Variants in FARP1 observed in about 807,000 individuals in gnomAD.
The protein encoded by FARP1 is FERM, ARHGEF and pleckstrin domain-containing protein 1.
FARP1 carries 52 observed loss-of-function variants against 128.8 expected under a neutral mutation model. The ratio of observed to expected loss-of-function variants is 0.40; its 90% CI spans 0.32 to 0.51. The LOEUF (loss-of-function observed/expected upper bound fraction) is 0.51, where lower values mean the gene tolerates loss of function less well. Among genes scored for constraint, FARP1 ranks in the 20% least tolerant of loss-of-function variants. The pLI, the probability that FARP1 is intolerant of heterozygous loss-of-function variation, is 0.45. For synonymous variants in FARP1, 580 were observed against 551.8 expected, an observed-to-expected ratio of 1.05 and a Z score of -0.72; for missense variants, 1,333 against 1,367.9, an observed-to-expected ratio of 0.97 and a Z score of 0.40.
Position 98,452,239 on chromosome 13 carries a change from G to A in FARP1, c.*3922G>A, listed in dbSNP as rs1321811626. ...GATGATATGCAGAATCCACTACAAGGTGCAACAGAAAATCGTATTGGAAAG... is the reference window on the plus strand; with the variant it reads ...GATGATATGCAGAATCCACTACAAGATGCAACAGAAAATCGTATTGGAAAG... On this transcript the variant is annotated 3_prime_UTR_variant, in exon 27 of 27. Transcript: ENST00000319562. 6.6e-6 allele frequency: 1 copy of A among 152,188 alleles called. No individual in the cohort carries two copies. The highest frequency in any genetic ancestry group is 1.5e-5 in the Non-Finnish European group (1 of 68,028). The allele number at this position is 152,188 out of a possible 1,614,324, so 9.4% of individuals were successfully genotyped here. A position where few individuals can be genotyped will look rare whatever the true frequency, so the allele number is the denominator to read the frequency against.
intron 1 of FARP1, among the ~76,000 whole-genome samples, chr13:98,196,232 G>C (rs1415051346): frequency 6.6e-6 from 1 of 152,112 alleles, no homozygotes; most frequent in Non-Finnish European, 1.5e-5. Context: ...GTCGCTGGAT[G>C]GTAGAGAGGG....
intron 2 of FARP1, among the ~76,000 whole-genome samples, chr13:98,322,068 C>G (rs1310996131): frequency 6.6e-6 from 1 of 152,210 alleles, no homozygotes; most frequent in Non-Finnish European, 1.5e-5. Flanking sequence ...AAGGCCGAGG[C>G]TGGCGGATCA....
chr13:98,378,909 A>AATAT (rs1555341971), intron 6 of FARP1, among the ~76,000 whole-genome samples: 1 of 82,474 alleles, frequency 1.2e-5, no homozygotes, highest in Non-Finnish European at 2.5e-5. Flanking sequence ...ATATATATAT[A>AATAT]ATATATATAT....
chr13:98,395,106 C>T, intron 12 of FARP1, 121 bp from the exon 13 acceptor site: 1 of 1,181,310 alleles, frequency 8.5e-7, no homozygotes. Flanking sequence ...AGCTCCGGGG[C>T]AGTTCTCCCG....
chr13:98,423,359 A>AT (rs1891661570), intron 16 of FARP1, among the ~76,000 whole-genome samples: 2 of 151,978 alleles, frequency 1.3e-5, no homozygotes, highest in South Asian at 4.1e-4. Context: ...GTTGCCGGGT[A>AT]TTTTTTTCCA....
intron 6 of FARP1, among the ~76,000 whole-genome samples, chr13:98,379,066 A>AATATATGTAATATGTAATCTATATATAAT (rs1217935697): frequency 8.6e-5 from 7 of 81,278 alleles, no homozygotes; most frequent in African/African-American, 2.6e-4. Flanking sequence ...TATAATATAT[A>AATATATGTAATATGTAATCTATATATAAT]ATATATGTAA....
intron 2 of FARP1, among the ~76,000 whole-genome samples, chr13:98,224,540 A>AG (rs759421624): frequency 0.023 from 688 of 30,090 alleles, 13 homozygotes; most frequent in Non-Finnish European, 0.071. Flanking sequence ...AAAAAAAAAA[A>AG]AAAAAGAAAA....
chr13:98,311,755 T>C (rs962645684), intron 2 of FARP1, among the ~76,000 whole-genome samples: 2 of 152,202 alleles, frequency 1.3e-5, no homozygotes, highest in Non-Finnish European at 2.9e-5. Context: ...AAAAATAAAC[T>C]TTGATGAGCA....
At chr13:98,244,994 G>T (rs1882984324) in intron 2 of FARP1, 2 of 1,163,862 alleles carry the variant, frequency 1.7e-6, no homozygotes, top group African/African-American at 1.6e-5. Context: ...GCCACTAGGG[G>T]AAGATTCATT....
intron 1 of FARP1, among the ~76,000 whole-genome samples, chr13:98,210,829 G>A (rs567292854): frequency 5.9e-5 from 9 of 152,300 alleles, no homozygotes; most frequent in South Asian, 4.1e-4. Flanking sequence ...GATTACAGGC[G>A]TGAGCCACCG....
intron 1 of FARP1, among the ~76,000 whole-genome samples, chr13:98,212,692 A>G (rs1880806939): frequency 6.6e-6 from 1 of 152,170 alleles, no homozygotes; most frequent in African/African-American, 2.4e-5. Flanking sequence ...AAACCAAGAA[A>G]AATGACCCTA....
At chr13:98,385,416 A>C (rs1321239192) in intron 7 of FARP1, among the ~76,000 whole-genome samples, 2 of 140,904 alleles carry the variant, frequency 1.4e-5, no homozygotes, top group East Asian at 4.1e-4. Flanking sequence ...TCCAAAAAAA[A>C]CAAAAAAAAC....
chr13:98,281,699 A>G (rs1884944218), intron 2 of FARP1, among the ~76,000 whole-genome samples: 1 of 152,208 alleles, frequency 6.6e-6, no homozygotes, highest in African/African-American at 2.4e-5. Context: ...ATTAATGATG[A>G]GTCTTTGGCA....
intron 1 of FARP1, among the ~76,000 whole-genome samples, chr13:98,174,420 A>G (rs905689869): frequency 6.6e-6 from 1 of 152,214 alleles, no homozygotes. Context: ...TCCTGGAGCC[A>G]GAGCTTAGAG....
rs1415329197 is a variant in FARP1, at chr13:98,438,886, G to A, written c.2343+14G>A. On this transcript the variant is annotated intron_variant, in intron 20 of 26. Transcript: ENST00000319562. ...ATGTTCTTCCTGGTGAGTGGAGAGA[G>A]CGGCTTGTCCTCACAAGGATTGTGT... 2.5e-6 allele frequency: 4 copies of A among 1,613,086 alleles called. No homozygotes were observed. The highest frequency in any genetic ancestry group is 3.4e-6 in the Non-Finnish European group (4 of 1,179,268).
In FARP1 at chr13:98,453,561, T is replaced by C. The variant is rs772565798; in HGVS notation, c.*5244T>C. The C allele has an allele frequency of 4.4e-5, 9 of 202,638 alleles. No homozygotes were observed. Among genetic ancestry groups the C allele is most frequent in the Admixed American group, 2.9e-4 (5 of 17,268 alleles). 12.6% of individuals were successfully genotyped at this position (202,638 alleles called of 1,614,324 possible). A position where few individuals can be genotyped will look rare whatever the true frequency, so the allele number is the denominator to read the frequency against. On this transcript the variant is annotated 3_prime_UTR_variant, in exon 27 of 27. Transcript: ENST00000319562. ...GACACAGTAAGATTCCAGGGATGCATATGCATTCCCGATGTGAGGGCAGGA... is the reference window on the plus strand; with the variant it reads ...GACACAGTAAGATTCCAGGGATGCACATGCATTCCCGATGTGAGGGCAGGA...
At chr13:98,223,697 T>A (rs1881571220) in intron 2 of FARP1, among the ~76,000 whole-genome samples, 1 of 152,216 alleles carries the variant, frequency 6.6e-6, no homozygotes, top group African/African-American at 2.4e-5. Context: ...GGATTCTTAG[T>A]GATTATGTAA....
intron 1 of FARP1, among the ~76,000 whole-genome samples, chr13:98,155,847 G>A (rs2139112068): frequency 6.6e-6 from 1 of 152,282 alleles, no homozygotes; most frequent in East Asian, 1.9e-4. Flanking sequence ...AGCCATGGAA[G>A]TTATACACTG....
intron 3 of FARP1, among the ~76,000 whole-genome samples, chr13:98,352,499 G>A (rs1443071074): frequency 6.6e-6 from 1 of 152,198 alleles, no homozygotes; most frequent in East Asian, 1.9e-4. Flanking sequence ...GGGCAATCGA[G>A]CCAGGGAACT....
Sources: allele counts gnomAD v4.1 joint callset (sites outside exome capture counted in the v4.1 genomes callset), GRCh38; gene constraint gnomAD v4.1.1; transcripts MANE v1.5; gene names NCBI Gene and HGNC (gene_info 2026-07-23, HGNC 2026-07-21).